AUTS2: variants seen among roughly 807,000 people sequenced by gnomAD.
The protein encoded by AUTS2 is activator of transcription and developmental regulator AUTS2, also known as autism susceptibility gene 2 protein.
In AUTS2, 17 loss-of-function variants were observed where a neutral mutation model predicts 112.4. That is an observed-to-expected ratio of 0.15 (90% CI 0.10 to 0.23). The LOEUF (loss-of-function observed/expected upper bound fraction) is 0.23, where lower values mean the gene tolerates loss of function less well. AUTS2 is among the 10% of genes least tolerant of loss of function. The pLI, the probability that AUTS2 is intolerant of heterozygous loss-of-function variation, is 1.00. For missense variants in AUTS2, 1,510 were observed against 1,701.6 expected (o/e 0.89, Z 1.98); for synonymous variants, 751 against 702.7 (o/e 1.07, Z -1.09).
At position 70,210,016 on chromosome 7, in the gene AUTS2, A is replaced by G. The variant is rs1810773470; in HGVS notation, c.660+75445A>G. Among the ~76,000 whole-genome samples the G allele has an allele frequency of 1.3e-5, 2 of 152,170 alleles. 1 individual carries two copies. Among genetic ancestry groups the G allele is most frequent in the Admixed American group, 1.3e-4 (2 of 15,282 alleles). On this transcript the variant is annotated intron_variant, in intron 4 of 18. Transcript: ENST00000342771. ...CAAGAAAATAAGGGACAAGATTTTT[A>G]AAAATGGATTCAATTCTGGGAACAA... is the stretch of plus-strand genomic sequence containing the variant.
intron 11 of AUTS2, among the ~76,000 whole-genome samples, chr7:70,773,547 T>C (rs760039577): frequency 5.3e-5 from 8 of 152,242 alleles, no homozygotes; most frequent in African/African-American, 9.6e-5. Context: ...GTATAATTCC[T>C]TATTATTGTC....
chr7:70,602,051 T>C (rs1288800127), intron 5 of AUTS2, among the ~76,000 whole-genome samples: 2 of 152,122 alleles, frequency 1.3e-5, no homozygotes, highest in Admixed American at 6.5e-5. Flanking sequence ...GGCAGGTGCC[T>C]CTCTCAAGAT....
intron 2 of AUTS2, among the ~76,000 whole-genome samples, chr7:70,104,241 A>G (rs1804651160): frequency 6.6e-6 from 1 of 151,116 alleles, no homozygotes; most frequent in Non-Finnish European, 1.5e-5. Context: ...CTAATGTGGC[A>G]TAAGTTGTTT....
intron 5 of AUTS2, among the ~76,000 whole-genome samples, chr7:70,585,722 C>T (rs1802651327): frequency 6.6e-6 from 1 of 152,192 alleles, no homozygotes; most frequent in Non-Finnish European, 1.5e-5. Flanking sequence ...CTATTACCCA[C>T]AATCTAGCCA....
intron 4 of AUTS2, among the ~76,000 whole-genome samples, chr7:70,407,055 C>T (rs546656765): frequency 2.4e-4 from 36 of 152,118 alleles, no homozygotes; most frequent in East Asian, 1.9e-4. Context: ...CGGTAAGTTG[C>T]GGAAAATCCA....
chr7:70,005,983 C>T (rs1002358727), intron 2 of AUTS2, among the ~76,000 whole-genome samples: 7 of 152,026 alleles, frequency 4.6e-5, no homozygotes, highest in Non-Finnish European at 1.0e-4. Flanking sequence ...ACCTCTTTTC[C>T]GACTTCATGA....
intron 4 of AUTS2, among the ~76,000 whole-genome samples, chr7:70,361,725 C>T (rs573450534): frequency 1.2e-4 from 19 of 152,266 alleles, no homozygotes; most frequent in Middle Eastern, 3.4e-3. Context: ...TGAGCCAATT[C>T]AGGGAGTAAG....
chr7:69,614,370 T>TCTTTCTTTCTTTC (rs1322536871), intron 1 of AUTS2, among the ~76,000 whole-genome samples: 485 of 28,524 alleles, frequency 0.017, 31 homozygotes, highest in Non-Finnish European at 0.034. Context: ...CTTTCTTTTT[T>TCTTTCTTTCTTTC]TAAGAGATGG....
At chr7:70,389,250 C>A (rs992083199) in intron 4 of AUTS2, among the ~76,000 whole-genome samples, 17 of 152,170 alleles carry the variant, frequency 1.1e-4, no homozygotes, top group African/African-American at 4.1e-4. Flanking sequence ...ATCCTACCTA[C>A]TCCTTGCAAC....
At chr7:70,372,886 G>T (rs1269616979) in intron 4 of AUTS2, among the ~76,000 whole-genome samples, 1 of 151,984 alleles carries the variant, frequency 6.6e-6, no homozygotes, top group Non-Finnish European at 1.5e-5. Flanking sequence ...AGAAGAGGAA[G>T]AAGTCATGGG....
intron 6 of AUTS2, among the ~76,000 whole-genome samples, chr7:70,752,610 T>C (rs1021947322): frequency 1.3e-5 from 2 of 152,346 alleles, no homozygotes; most frequent in East Asian, 3.9e-4. Context: ...CCTATTTTTT[T>C]CATTTGTCCT....
At chr7:70,397,577 ATTGT>A (rs1221629737) in intron 4 of AUTS2, among the ~76,000 whole-genome samples, 1 of 151,996 alleles carries the variant, frequency 6.6e-6, no homozygotes, top group African/African-American at 2.4e-5. Context: ...ATGAAAAAAT[ATTGT>A]TTAAGAAATA....
intron 1 of AUTS2, among the ~76,000 whole-genome samples, chr7:69,693,023 G>A (rs1048336087): frequency 6.6e-6 from 1 of 152,200 alleles, no homozygotes; most frequent in Non-Finnish European, 1.5e-5. Context: ...AAGTGTTATG[G>A]TAGATGGAAA....
chr7:70,124,763 A>G (rs1304414606), intron 3 of AUTS2, among the ~76,000 whole-genome samples: 6 of 152,056 alleles, frequency 3.9e-5, no homozygotes, highest in Non-Finnish European at 7.3e-5. Context: ...ATGTTTTACC[A>G]TGTTGGCCAG....
chr7:70,373,343 T>C (rs1245768139), intron 4 of AUTS2, among the ~76,000 whole-genome samples: 1 of 152,150 alleles, frequency 6.6e-6, no homozygotes, highest in Non-Finnish European at 1.5e-5. Flanking sequence ...CCCGATTAAA[T>C]TGAATTGGGT....
At chr7:70,316,768 C>A (rs1228969641) in intron 4 of AUTS2, 1 of 152,074 alleles carries the variant, frequency 6.6e-6, no homozygotes, top group Non-Finnish European at 1.5e-5. Flanking sequence ...GAAACAGATT[C>A]TTCAGGAAAT....
intron 5 of AUTS2, among the ~76,000 whole-genome samples, chr7:70,684,543 G>A: frequency 6.6e-6 from 1 of 150,848 alleles, no homozygotes; most frequent in African/African-American, 2.5e-5. Flanking sequence ...ATGTGGTGTG[G>A]TGTGGCGTGG....
intron 1 of AUTS2, among the ~76,000 whole-genome samples, chr7:69,690,598 G>T (rs1157998272): frequency 6.6e-6 from 1 of 152,212 alleles, no homozygotes. Flanking sequence ...GCTGGACCAG[G>T]TGTACTGCAA....
chr7:70,408,579 G>A (rs1263185736), intron 4 of AUTS2, among the ~76,000 whole-genome samples: 1 of 152,174 alleles, frequency 6.6e-6, no homozygotes, highest in East Asian at 1.9e-4. Context: ...GGTGCATTCT[G>A]GGTGCTCAGC....
Sources: allele counts gnomAD v4.1 joint callset (sites outside exome capture counted in the v4.1 genomes callset), GRCh38; gene constraint gnomAD v4.1.1; transcripts MANE v1.5; gene names NCBI Gene and HGNC (gene_info 2026-07-23, HGNC 2026-07-21).